Variants in R3HCC1L observed in about 807,000 individuals in gnomAD.
R3HCC1L encodes R3H domain and coiled-coil containing 1 like.
R3HCC1L carries 51 observed loss-of-function variants against 59.9 expected under a neutral mutation model. That is an observed-to-expected ratio of 0.85 (90% CI 0.68 to 1.07). The LOEUF is 1.07. Ranked by LOEUF, R3HCC1L falls within the 50% of genes least tolerant of loss-of-function variation. The pLI is 0.00. For synonymous variants in R3HCC1L, 322 were observed against 315.2 expected (o/e 1.02, Z -0.23); for missense variants, 965 against 933.0 (o/e 1.03, Z -0.45).
At chr10:98,168,567 G>T (rs935759341) in intron 4 of R3HCC1L, among the ~76,000 whole-genome samples, 14 of 152,120 alleles carry the variant, frequency 9.2e-5, no homozygotes, top group Non-Finnish European at 1.5e-5. Context: ...TTGATACTCA[G>T]TTTTTTCATG....
chr10:98,210,650 A>G (rs1853461565), intron 5 of R3HCC1L, among the ~76,000 whole-genome samples: 1 of 152,184 alleles, frequency 6.6e-6, no homozygotes, highest in Admixed American at 6.6e-5. Context: ...CCTGGAAAGG[A>G]AAAAATTATT....
At chr10:98,229,148 G>A (rs1856046618) in intron 5 of R3HCC1L, among the ~76,000 whole-genome samples, 1 of 152,042 alleles carries the variant, frequency 6.6e-6, no homozygotes, top group Admixed American at 6.6e-5. Flanking sequence ...TGATGGGGAT[G>A]GCATTGAATC....
chr10:98,235,102 T>A (rs2135687990), intron 7 of R3HCC1L, among the ~76,000 whole-genome samples: 1 of 152,308 alleles, frequency 6.6e-6, no homozygotes, highest in East Asian at 1.9e-4. Context: ...CAGGTCTCTG[T>A]CACTACTTAA....
chr10:98,214,378 A>G (rs1454586678), intron 5 of R3HCC1L, among the ~76,000 whole-genome samples: 5 of 152,114 alleles, frequency 3.3e-5, no homozygotes, highest in Non-Finnish European at 7.4e-5. Flanking sequence ...GTCAGGGTAT[A>G]TATATAGTAA....
chr10:98,235,238 G>A (rs1277838145), intron 7 of R3HCC1L, among the ~76,000 whole-genome samples, 187 bp from the exon 8 acceptor site: 1 of 151,990 alleles, frequency 6.6e-6, no homozygotes, highest in Non-Finnish European at 1.5e-5. Flanking sequence ...GCTGGATTTG[G>A]TCATGGAGCC....
intron 4 of R3HCC1L, among the ~76,000 whole-genome samples, chr10:98,173,452 C>T (rs546859213): frequency 1.3e-5 from 2 of 152,198 alleles, no homozygotes; most frequent in African/African-American, 2.4e-5. Flanking sequence ...CCTAATGTAC[C>T]GGAGATGCTT....
At chr10:98,165,421 T>C (rs1847844076) in intron 4 of R3HCC1L, among the ~76,000 whole-genome samples, 1 of 152,228 alleles carries the variant, frequency 6.6e-6, no homozygotes, top group South Asian at 2.1e-4. Context: ...GGCTTATCTT[T>C]TCCAGGAATT....
chr10:98,219,333 G>T (rs924643315), intron 5 of R3HCC1L, among the ~76,000 whole-genome samples: 3 of 152,130 alleles, frequency 2.0e-5, no homozygotes, highest in Non-Finnish European at 4.4e-5. Flanking sequence ...GGCAATATGT[G>T]TCTACAGGTG....
chr10:98,211,512 A>G (rs571960312), intron 5 of R3HCC1L, among the ~76,000 whole-genome samples: 17 of 152,318 alleles, frequency 1.1e-4, no homozygotes, highest in South Asian at 1.0e-3. Context: ...ATTAAGAACT[A>G]AAGCATTGAG....
At chr10:98,189,693 A>T (rs1358348029) in intron 4 of R3HCC1L, among the ~76,000 whole-genome samples, 1 of 152,232 alleles carries the variant, frequency 6.6e-6, no homozygotes, top group Non-Finnish European at 1.5e-5. Context: ...ATATCATTGT[A>T]TTATAATAAC....
intron 4 of R3HCC1L, among the ~76,000 whole-genome samples, chr10:98,194,827 A>G (rs1590655671): frequency 6.6e-6 from 1 of 152,182 alleles, no homozygotes; most frequent in East Asian, 1.9e-4. Context: ...ACAAGTGTTG[A>G]CAAGGATGTA....
chr10:98,152,718 C>T (rs1284851419), intron 1 of R3HCC1L, among the ~76,000 whole-genome samples: 2 of 95,728 alleles, frequency 2.1e-5, no homozygotes, highest in African/African-American at 2.8e-5. Context: ...TCTGCTGGGC[C>T]GCCCCGTCTG....
chr10:98,176,646 C>T (rs1167914241), intron 4 of R3HCC1L, among the ~76,000 whole-genome samples: 1 of 152,134 alleles, frequency 6.6e-6, no homozygotes, highest in East Asian at 1.9e-4. Flanking sequence ...ATGTCATCTG[C>T]AGATAAAGAC....
At chr10:98,173,026 C>A (rs1184549991) in intron 4 of R3HCC1L, among the ~76,000 whole-genome samples, 1 of 152,018 alleles carries the variant, frequency 6.6e-6, no homozygotes, top group Non-Finnish European at 1.5e-5. Context: ...TATATAAATT[C>A]TTGTTTTTCT....
At chr10:98,202,340 A>G (rs1446743335) in intron 4 of R3HCC1L, among the ~76,000 whole-genome samples, 1 of 152,128 alleles carries the variant, frequency 6.6e-6, no homozygotes, top group African/African-American at 2.4e-5. Context: ...TGCAAGGGAG[A>G]AAATACATAG....
chr10:98,180,006 C>A (rs1849476249), intron 4 of R3HCC1L, among the ~76,000 whole-genome samples: 1 of 152,116 alleles, frequency 6.6e-6, no homozygotes, highest in African/African-American at 2.4e-5. Context: ...TTCAAAAAAC[C>A]AGCTCCTGGA....
At chr10:98,215,072 A>G (rs533977198) in intron 5 of R3HCC1L, among the ~76,000 whole-genome samples, 48 of 152,284 alleles carry the variant, frequency 3.2e-4, no homozygotes, top group African/African-American at 1.2e-3. Context: ...TTTCCATGAC[A>G]TTAAGCCTTT....
intron 4 of R3HCC1L, among the ~76,000 whole-genome samples, chr10:98,195,125 A>G (rs1002896489): frequency 1.3e-5 from 2 of 152,184 alleles, no homozygotes; most frequent in African/African-American, 4.8e-5. Context: ...ACAACAGAAT[A>G]TCATCCAACC....
At chr10:98,235,649 T>A in intron 8 of R3HCC1L, 129 bp downstream of exon 8, 1 of 765,156 alleles carries the variant, frequency 1.3e-6, no homozygotes. Context: ...AATATGTTTT[T>A]AAGAAAAAAT....
Sources: allele counts gnomAD v4.1 joint callset (sites outside exome capture counted in the v4.1 genomes callset), GRCh38; gene constraint gnomAD v4.1.1; transcripts MANE v1.5; gene names NCBI Gene and HGNC (gene_info 2026-07-23, HGNC 2026-07-21).